Variants in PCDHA4 observed in about 807,000 individuals in gnomAD.
PCDHA4 encodes protocadherin alpha 4, also known as protocadherin alpha-4.
PCDHA4 carries 49 observed loss-of-function variants against 61.4 expected under a neutral mutation model. That is an observed-to-expected ratio of 0.80 (90% CI 0.63 to 1.01). PCDHA4 has a LOEUF of 1.01. PCDHA4 is among the 50% of genes least tolerant of loss of function. The pLI, the probability that PCDHA4 is intolerant of heterozygous loss-of-function variation, is 0.00. For synonymous variants in PCDHA4, 590 were observed against 550.3 expected, an observed-to-expected ratio of 1.07 and a Z score of -1.01; for missense variants, 1,254 against 1,235.8, an observed-to-expected ratio of 1.01 and a Z score of -0.22.
At chr5:140,866,828 T>C (rs1260647763) in intron 1 of PCDHA4, 1 of 152,140 alleles carries the variant, frequency 6.6e-6, no homozygotes, top group East Asian at 1.9e-4. Flanking sequence ...CTTCAATTGA[T>C]TTTACAAAAT....
rs1554138958 is a variant in PCDHA4, at chr5:140,842,308, C to T, written c.2385+32736C>T. On this transcript the variant is annotated intron_variant, in intron 1 of 3. Coordinates refer to ENST00000530339, the MANE Select transcript of PCDHA4 (RefSeq NM_018907.4). ...ACGCCACGGACAAAGGCCATCCTCC[C>T]ATGGCGGGTCATTGCACCGTTTTAG... The T allele has an allele frequency of 3.1e-6, 5 of 1,607,710 alleles. No individual in the cohort carries two copies. The African/African-American group carries it at 5.4e-5, about 17-fold the overall frequency.
intron 1 of PCDHA4, among the ~76,000 whole-genome samples, chr5:140,844,093 C>T (rs2150368688): frequency 2.7e-5 from 4 of 149,720 alleles, no homozygotes; most frequent in African/African-American, 9.8e-5. Flanking sequence ...AACTCTTAAT[C>T]TTACTCCATA....
chr5:141,011,102 CT>C lies in PCDHA4; in HGVS notation c.*1166del, dbSNP rs2098419453. The C allele has an allele frequency of 1.3e-5, 2 of 153,744 alleles. No homozygotes were observed. The highest frequency in any genetic ancestry group is 6.5e-5 in the Admixed American group (1 of 15,280). The allele number at this position is 153,744 out of a possible 1,614,324, so 9.5% of individuals were successfully genotyped here. On this transcript the variant is annotated 3_prime_UTR_variant, in exon 4 of 4. Transcript: ENST00000530339. ...ATGATCTCTCTTTCTCTCTCTCTCT[CT>C]CTTTTCTAAGAAACAATTATGTGCA...
At chr5:140,953,118 A>G (rs2094850559) in intron 1 of PCDHA4, among the ~76,000 whole-genome samples, 1 of 152,162 alleles carries the variant, frequency 6.6e-6, no homozygotes, top group Non-Finnish European at 1.5e-5. Context: ...AGGGACACAG[A>G]TCTAAACCGT....
chr5:140,979,972 C>T (rs1393315984), intron 2 of PCDHA4, among the ~76,000 whole-genome samples: 1 of 152,176 alleles, frequency 6.6e-6, no homozygotes, highest in East Asian at 1.9e-4. Context: ...CATTAAAATG[C>T]ATTAGATTGA....
chr5:140,842,746 C>T, intron 1 of PCDHA4: 1 of 1,595,086 alleles, frequency 6.3e-7, no homozygotes, highest in South Asian at 1.1e-5. Flanking sequence ...GCCACATCTT[C>T]ACGGTGTCTG....
intron 1 of PCDHA4, among the ~76,000 whole-genome samples, chr5:140,953,085 A>G (rs1197965470): frequency 2.0e-5 from 3 of 152,246 alleles, no homozygotes; most frequent in African/African-American, 4.8e-5. Flanking sequence ...ATTGGGGATT[A>G]CAATTTGACA....
intron 1 of PCDHA4, among the ~76,000 whole-genome samples, chr5:140,964,646 G>A (rs1554227128): frequency 6.6e-6 from 1 of 152,004 alleles, no homozygotes; most frequent in African/African-American, 2.4e-5. Context: ...TCAGAAACAA[G>A]TAATGGGTGA....
At chr5:140,938,158 C>G (rs1308976624) in intron 1 of PCDHA4, among the ~76,000 whole-genome samples, 1 of 152,112 alleles carries the variant, frequency 6.6e-6, no homozygotes, top group African/African-American at 2.4e-5. Flanking sequence ...ATTGCCCAGG[C>G]TAGTCTGGAG....
At position 140,858,115 on chromosome 5, in the gene PCDHA4, G is replaced by A. The variant is rs371261838; in HGVS notation, c.2385+48543G>A. 5.0e-6 allele frequency: 8 copies of A among 1,597,696 alleles called. 1 individual carries two copies. Among genetic ancestry groups the A allele is most frequent in the Non-Finnish European group, 6.9e-6 (8 of 1,167,654 alleles). ...CTTCAGTGGGCGTGGCGCCCGAGGT[G>A]GCCCTGGTGGATGTCAACGTGTACC... On this transcript the variant is annotated intron_variant, in intron 1 of 3. Transcript: ENST00000530339.
In PCDHA4 at chr5:140,937,678, T is replaced by C. The variant is rs570305485; in HGVS notation, c.2386-41271T>C. On this transcript the variant is annotated intron_variant, in intron 1 of 3. Coordinates refer to ENST00000530339, the MANE Select transcript of PCDHA4 (RefSeq NM_018907.4). ...CTGTAATCCCAGCACTTTGGGAGGC[T>C]GAGGCAGGCGGATCACGAGGTCAGG... Among the ~76,000 whole-genome samples the C allele has an allele frequency of 5.4e-3, 825 of 151,734 alleles. 2 individuals are homozygous for C. Among genetic ancestry groups the C allele is most frequent in the African/African-American group, 0.019 (794 of 41,384 alleles).
intron 1 of PCDHA4, among the ~76,000 whole-genome samples, chr5:140,940,939 C>T (rs930086780): frequency 2.0e-5 from 3 of 152,154 alleles, no homozygotes; most frequent in African/African-American, 2.4e-5. Context: ...ACTTAGACTA[C>T]GTATTCTCAG....
At chr5:140,870,745 G>A (rs369212308) in intron 1 of PCDHA4, 1 of 1,613,530 alleles carries the variant, frequency 6.2e-7, no homozygotes, top group South Asian at 1.1e-5. Context: ...GAGCAGCAAC[G>A]TGACGCTGCA....
chr5:140,874,622 A>G (rs554375384), intron 1 of PCDHA4, among the ~76,000 whole-genome samples: 5 of 152,374 alleles, frequency 3.3e-5, no homozygotes, highest in Non-Finnish European at 7.3e-5. Flanking sequence ...TAAACATTTT[A>G]CATTAAAGTG....
chr5:140,959,493 A>C (rs533403086), intron 1 of PCDHA4, among the ~76,000 whole-genome samples: 3 of 152,280 alleles, frequency 2.0e-5, no homozygotes, highest in South Asian at 2.1e-4. Context: ...TTATATATGG[A>C]TCAAACTAAA....
intron 1 of PCDHA4, among the ~76,000 whole-genome samples, chr5:140,939,246 C>G (rs536477969): frequency 6.6e-5 from 10 of 152,230 alleles, no homozygotes; most frequent in African/African-American, 2.2e-4. Context: ...AGCAAGGTAG[C>G]TCTCTGGAAC....
intron 1 of PCDHA4, among the ~76,000 whole-genome samples, chr5:140,904,556 T>A (rs1360933277): frequency 5.3e-5 from 8 of 151,780 alleles, no homozygotes; most frequent in Admixed American, 5.3e-4. Context: ...ATATAATGAC[T>A]TTTTTTTCCT....
chr5:140,808,790 G>A lies in PCDHA4; in HGVS notation c.1603G>A (p.Val535Met). The A allele has an allele frequency of 6.2e-7, 1 of 1,612,616 alleles. No individual in the cohort carries two copies. Among genetic ancestry groups the A allele is most frequent in the African/African-American group, 1.3e-5 (1 of 75,030 alleles). ...HEELELLQFQ[V>M]TARDAGVPPL... is the part of the protein sequence containing the mutation. ...GGAGCTAGAGCTGCTGCAGTTTCAG[G>A]TGACCGCTCGCGATGCCGGCGTGCC... The change falls in exon 1 of 4, where the codon GTG (valine) becomes ATG (methionine). Residue 535 changes from valine (V) to methionine (M), a missense_variant. By Grantham distance (21) the Val-to-Met change is conservative. Coordinates refer to ENST00000530339, the MANE Select transcript of PCDHA4 (RefSeq NM_018907.4).
Position 140,807,347 on chromosome 5 carries a change from C to T in PCDHA4, c.160C>T (p.Leu54=). The T allele has an allele frequency of 6.2e-7, 1 of 1,612,946 alleles. No homozygotes were observed. Among genetic ancestry groups the T allele is most frequent in the Non-Finnish European group, 8.5e-7 (1 of 1,179,910 alleles). The change falls in exon 1 of 4, where the codon CTG becomes TTG. Residue 54 remains leucine, a synonymous_variant. Transcript: ENST00000530339. ...FVGRIAQDLG[L]ELAELVPRLF... ...GGGCCGCATCGCGCAGGACCTGGGA[C>T]TGGAGCTGGCGGAGCTGGTGCCGCG... is the stretch of plus-strand genomic sequence containing the variant.
Sources: allele counts gnomAD v4.1 joint callset (sites outside exome capture counted in the v4.1 genomes callset), GRCh38; gene constraint gnomAD v4.1.1; transcripts MANE v1.5; gene names NCBI Gene and HGNC (gene_info 2026-07-23, HGNC 2026-07-21).